MCM2: variants seen among roughly 807,000 people sequenced by gnomAD.
The protein encoded by MCM2 is DNA replication licensing factor MCM2.
MCM2 carries 49 observed loss-of-function variants against 86.4 expected under a neutral mutation model. That is an observed-to-expected ratio of 0.57 (90% CI 0.45 to 0.72). The LOEUF is 0.72. Among genes scored for constraint, MCM2 ranks in the 30% least tolerant of loss-of-function variants. MCM2 has a pLI of 0.00. For synonymous variants in MCM2, 475 were observed against 484.6 expected (o/e 0.98, Z 0.26); for missense variants, 1,038 against 1,259.9 (o/e 0.82, Z 2.67).
intron 8 of MCM2, among the ~76,000 whole-genome samples, chr3:127,609,759 C>T (rs2074378941): frequency 6.6e-6 from 1 of 151,930 alleles, no homozygotes; most frequent in Admixed American, 6.6e-5. Flanking sequence ...TCCATCCTGC[C>T]CCCAGAGCAC....
At chr3:127,599,135 T>C in intron 1 of MCM2, 183 bp from the exon 2 acceptor site, 1 of 648,120 alleles carries the variant, frequency 1.5e-6, no homozygotes, top group Non-Finnish European at 2.8e-6. Flanking sequence ...ATTGCTCAGC[T>C]GAGAGCATTC....
At chr3:127,620,129 TTG>T (rs757326181) in intron 13 of MCM2, among the ~76,000 whole-genome samples, 5 of 152,228 alleles carry the variant, frequency 3.3e-5, no homozygotes, top group Non-Finnish European at 7.3e-5. Context: ...CATATTGACT[TTG>T]TGTAAATTTC....
Position 127,606,245 on chromosome 3 carries a change from A to C in MCM2, c.801A>C (p.Val267=). The change falls in exon 5 of 16, where the codon GTA becomes GTC. Residue 267 remains valine (V), a synonymous_variant. Coordinates refer to ENST00000265056, the MANE Select transcript of MCM2 (RefSeq NM_004526.4). This position sits in a 1 kb window ranked among gnomAD's most constrained non-coding sequence, Gnocchi z 4.2. ...TTGATGAGGCTGCCCTGGAGGTGGT[A>C]CTGGCCATGTACCCCAAGTACGACC... ...QIFDEAALEV[V]LAMYPKYDRI... 1 of 1,614,182 alleles carries C rather than the reference A, an allele frequency of 6.2e-7. No homozygotes were observed. The highest frequency in any genetic ancestry group is 8.5e-7 in the Non-Finnish European group (1 of 1,180,016).
intron 8 of MCM2, among the ~76,000 whole-genome samples, chr3:127,615,221 C>G (rs17497097): frequency 0.027 from 4,045 of 152,272 alleles, 169 homozygotes; most frequent in African/African-American, 0.084. Context: ...AAACATGGCT[C>G]TGCTGCAGGT....
chr3:127,604,621 AT>A lies in MCM2; in HGVS notation c.251del (p.Ile84ThrfsTer19). On this transcript the variant is annotated frameshift_variant, in exon 3 of 16. Coordinates refer to ENST00000265056, the MANE Select transcript of MCM2 (RefSeq NM_004526.4). LOFTEE classifies it high-confidence loss of function. Reference protein sequence around the residue: ...GDGMERDYRAIPELDAYEAEG... With the variant: ...GDGMERDYRAXPELDAYEAEG... ...GTGCTCCCTCAGGGACTACCGCGCCATCCCAGAGCTGGACGCCTATGAGGCC... is the reference window on the plus strand; with the variant it reads ...GTGCTCCCTCAGGGACTACCGCGCCACCCAGAGCTGGACGCCTATGAGGCC... 1.2e-6 allele frequency: 2 copies of A among 1,613,194 alleles called. No homozygotes were observed. The highest frequency in any genetic ancestry group is 1.7e-6 in the Non-Finnish European group (2 of 1,179,942).
In MCM2 at chr3:127,621,043, G is replaced by A. The variant is rs200900089; in HGVS notation, c.2449-30G>A. 2.7e-5 allele frequency: 43 copies of A among 1,611,602 alleles called. 1 individual carries two copies. The highest frequency in any genetic ancestry group is 2.1e-4 in the African/African-American group (16 of 75,038). On this transcript the variant is annotated intron_variant, in intron 14 of 15. Coordinates refer to ENST00000265056, the MANE Select transcript of MCM2 (RefSeq NM_004526.4). ...GGAGTGTGGCAGGCGTAGTGGGAGC[G>A]GGTGTTTGACTGAGGCTTTTTTCCT...
rs2074481658 is a variant in MCM2, at chr3:127,621,931, G to C, written c.*158G>C. On this transcript the variant is annotated 3_prime_UTR_variant, in exon 16 of 16. Transcript: ENST00000265056. The stretch of plus-strand genomic sequence containing the variant: ...CTGGCTGCACCTGGCATGACTGTTT[G>C]TTTCTCCAAGCCTGCTTTGTGCTTC... 1 of 581,706 alleles carries C rather than the reference G, an allele frequency of 1.7e-6. No individual in the cohort carries two copies. Among genetic ancestry groups the C allele is most frequent in the African/African-American group, 1.9e-5 (1 of 53,090 alleles). The allele number at this position is 581,706 out of a possible 1,614,324, so 36.0% of individuals were successfully genotyped here. A position where few individuals can be genotyped will look rare whatever the true frequency, so the allele number is the denominator to read the frequency against.
At chr3:127,607,439 C>G (rs1326821779) in intron 6 of MCM2, among the ~76,000 whole-genome samples, 1 of 152,262 alleles carries the variant, frequency 6.6e-6, no homozygotes, top group African/African-American at 2.4e-5. Context: ...TCTCACCGCT[C>G]TGCAGTGCAG....
At chr3:127,615,994 T>A (rs1423458679) in intron 9 of MCM2, 39 bp downstream of exon 9, 9 of 1,502,980 alleles carry the variant, frequency 6.0e-6, no homozygotes, top group Non-Finnish European at 1.9e-6. Flanking sequence ...TGTTAGCAGC[T>A]TTCTCTTTGG....
rs368072838 is a variant in MCM2, at chr3:127,606,589, A to C, written c.894-21A>C. ...GCCTCACCCTGGCTCACGGCTTCTG[A>C]TGCACCCTCTGCCTCCGCAGGCAGC... is the stretch of plus-strand genomic sequence containing the variant. On this transcript the variant is annotated intron_variant, in intron 5 of 15. Coordinates refer to ENST00000265056, the MANE Select transcript of MCM2 (RefSeq NM_004526.4). The surrounding 1 kb of genome is among the most constrained non-coding windows in gnomAD (Gnocchi z 4.2). The C allele has an allele frequency of 4.3e-6, 7 of 1,609,688 alleles. No homozygotes were observed. The African/African-American group carries it at 9.4e-5, about 22-fold the overall frequency.
In MCM2 at chr3:127,617,193, T is replaced by C. The variant is rs892523449; in HGVS notation, c.1773+75T>C. On this transcript the variant is annotated intron_variant, in intron 10 of 15. Coordinates refer to ENST00000265056, the MANE Select transcript of MCM2 (RefSeq NM_004526.4). The surrounding 1 kb of genome is among the most constrained non-coding windows in gnomAD (Gnocchi z 4.1). ...GCTTGGGCCTTAGCGACGGGAATGG[T>C]GTTAATGGGGTCCATTGGGACCTCA... The C allele has an allele frequency of 6.2e-7, 1 of 1,605,260 alleles. No individual in the cohort carries two copies. Among genetic ancestry groups the C allele is most frequent in the Non-Finnish European group, 8.5e-7 (1 of 1,174,168 alleles).
In MCM2 at chr3:127,606,297, A is replaced by G. The variant is rs1347256995; in HGVS notation, c.853A>G (p.Ile285Val). ...CATCACCAACCACATCCATGTCCGC[A>G]TCTCCCACCTGCCTCTGGTGGAGGA... ...DRITNHIHVR[I>V]SHLPLVEELR... The change falls in exon 5 of 16, where the codon ATC becomes GTC. Residue 285 changes from isoleucine to valine, a missense_variant. Coordinates refer to ENST00000265056, the MANE Select transcript of MCM2 (RefSeq NM_004526.4). This position sits in a 1 kb window ranked among gnomAD's most constrained non-coding sequence, Gnocchi z 4.2. 6.2e-7 allele frequency: 1 copy of G among 1,614,234 alleles called. No individual in the cohort carries two copies. Among genetic ancestry groups the G allele is most frequent in the Non-Finnish European group, 8.5e-7 (1 of 1,180,044 alleles).
Position 127,621,080 on chromosome 3 carries a change from C to G in MCM2, c.2456C>G (p.Ala819Gly). The G allele has an allele frequency of 6.2e-7, 1 of 1,614,174 alleles. No homozygotes were observed. The highest frequency in any genetic ancestry group is 8.5e-7 in the Non-Finnish European group (1 of 1,180,026). ...GAGGCTTTTTTCCTGCAGACTTTTG[C>G]CCGCTACCTTTCATTCCGGCGTGAC... ...SVMRSMRKTF[A>G]RYLSFRRDNN... The change falls in exon 15 of 16, where the codon GCC (alanine) becomes GGC (glycine). Residue 819 changes from alanine (A) to glycine (G), a missense_variant. Ala to Gly is a moderately conservative substitution (Grantham distance 60, BLOSUM62 0). Around this residue, in one of 4 missense-constraint regions of MCM2, gnomAD observed 336 missense variants for 425.7 expected, o/e 0.79. Transcript: ENST00000265056.
At chr3:127,611,760 G>A (rs1397585460) in intron 8 of MCM2, among the ~76,000 whole-genome samples, 2 of 121,886 alleles carry the variant, frequency 1.6e-5, no homozygotes, top group African/African-American at 6.9e-5. Flanking sequence ...GTGCAGTGGC[G>A]GGATCTCGGC....
chr3:127,603,345 G>A (rs1012330444), intron 2 of MCM2, among the ~76,000 whole-genome samples: 3 of 146,448 alleles, frequency 2.0e-5, no homozygotes, highest in East Asian at 2.1e-4. Flanking sequence ...TGTTTGAGAC[G>A]GAGTTTCACT....
At position 127,617,373 on chromosome 3, in the gene MCM2, G is replaced by A. The variant is rs777706924; in HGVS notation, c.1868G>A (p.Arg623His). The A allele has an allele frequency of 6.2e-6, 10 of 1,613,988 alleles. No individual in the cohort carries two copies. In the Admixed American group the frequency reaches 1.2e-4, roughly 19 times the overall value. Reference protein sequence around the residue: ...KAGIVTSLQARCTVIAAANPI... With the variant: ...KAGIVTSLQAHCTVIAAANPI... Reference sequence around the variant, plus strand: ...GGCATCGTCACCTCCCTGCAGGCTCGCTGCACGGTCATTGCTGCCGCCAAC... The same window carrying A: ...GGCATCGTCACCTCCCTGCAGGCTCACTGCACGGTCATTGCTGCCGCCAAC... Residue 623 changes from arginine to histidine, a missense_variant, in exon 11 of 16, where the codon CGC becomes CAC. Coordinates refer to ENST00000265056, the MANE Select transcript of MCM2 (RefSeq NM_004526.4). The surrounding 1 kb of genome is among the most constrained non-coding windows in gnomAD (Gnocchi z 4.1).
At chr3:127,619,355 G>A (rs1403208550) in intron 13 of MCM2, 77 bp downstream of exon 13, 3 of 1,536,538 alleles carry the variant, frequency 2.0e-6, no homozygotes, top group East Asian at 4.6e-5. Context: ...AATGCAGCGG[G>A]GGTGGTGGTC....
chr3:127,602,248 C>T (rs747888139), intron 2 of MCM2, among the ~76,000 whole-genome samples: 10 of 150,906 alleles, frequency 6.6e-5, no homozygotes, highest in Non-Finnish European at 7.4e-5. Flanking sequence ...AGAATGGGAC[C>T]GATACCTTTT....
At chr3:127,614,340 CTGT>C (rs140600703) in intron 8 of MCM2, among the ~76,000 whole-genome samples, 23,951 of 152,156 alleles carry the variant, frequency 0.16, 1,943 homozygotes, top group Admixed American at 0.2. Flanking sequence ...ATCCAATATT[CTGT>C]TGTTGTTCAC....
Sources: gnomAD v4.1 joint callset for allele counts (sites outside exome capture counted in the v4.1 genomes callset) on GRCh38, gnomAD v4.1.1 for gene constraint, gnomAD v4.1.1 regional missense constraint, Gnocchi (gnomAD v3.1) non-coding constraint, MANE v1.5 for transcripts, NCBI Gene and HGNC (gene_info 2026-07-23, HGNC 2026-07-21) for gene names.